CRACD: variants seen among roughly 807,000 people sequenced by gnomAD.
CRACD encodes capping protein inhibiting regulator of actin dynamics.
CRACD carries 56 observed loss-of-function variants against 106.8 expected under a neutral mutation model. The ratio of observed to expected loss-of-function variants is 0.52; its 90% CI spans 0.42 to 0.66. CRACD has a LOEUF of 0.66. CRACD is among the 30% of genes least tolerant of loss of function. CRACD has a pLI of 0.00. For synonymous variants in CRACD, 754 were observed against 670.8 expected, an observed-to-expected ratio of 1.12 and a Z score of -1.92; for missense variants, 1,730 against 1,623.2, an observed-to-expected ratio of 1.07 and a Z score of -1.13.
chr4:56,315,465 CG>C lies in CRACD; in HGVS notation c.1964del (p.Arg655ProfsTer22). 1.9e-6 allele frequency: 3 copies of C among 1,612,878 alleles called. No individual in the cohort carries two copies. The highest frequency in any genetic ancestry group is 2.5e-6 in the Non-Finnish European group (3 of 1,179,696). ...ARAGSGKAKP[R>X]QESPSSASAL... Reference sequence around the variant, plus strand: ...GGCGGGCAGCGGGAAGGCTAAGCCCCGCCAGGAGTCTCCCAGCAGCGCGTCC... The same window carrying C: ...GGCGGGCAGCGGGAAGGCTAAGCCCCCCAGGAGTCTCCCAGCAGCGCGTCC... On this transcript the variant is annotated frameshift_variant, in exon 8 of 11. Coordinates refer to ENST00000682029, the MANE Select transcript of CRACD (RefSeq NM_001393381.1). LOFTEE classifies it high-confidence loss of function. This position sits in a 1 kb window ranked among gnomAD's most constrained non-coding sequence, Gnocchi z 4.1.
chr4:56,247,515 T>C (rs1740750876), intron 2 of CRACD, among the ~76,000 whole-genome samples: 1 of 152,152 alleles, frequency 6.6e-6, no homozygotes, highest in Non-Finnish European at 1.5e-5. Context: ...GTTGGCAGCC[T>C]TCCAATTAAT....
intron 1 of CRACD, among the ~76,000 whole-genome samples, chr4:56,050,968 G>C (rs79215060): frequency 0.023 from 3,571 of 152,204 alleles, 62 homozygotes; most frequent in Admixed American, 0.058. Flanking sequence ...GCTAGCTCTT[G>C]GTAATAGTTC....
At chr4:56,086,837 A>G (rs1733237370) in intron 1 of CRACD, among the ~76,000 whole-genome samples, 1 of 152,084 alleles carries the variant, frequency 6.6e-6, no homozygotes, top group African/African-American at 2.4e-5. Context: ...TCCTAGAACC[A>G]CTTTGAACAC....
intron 1 of CRACD, among the ~76,000 whole-genome samples, chr4:56,049,683 C>A (rs1429639909): frequency 6.6e-6 from 1 of 152,164 alleles, no homozygotes; most frequent in Non-Finnish European, 1.5e-5. Context: ...CCAGACCTCA[C>A]CGTCCGGGAT....
chr4:56,055,666 C>G (rs1197851864), intron 1 of CRACD, among the ~76,000 whole-genome samples: 2 of 152,222 alleles, frequency 1.3e-5, no homozygotes, highest in Non-Finnish European at 2.9e-5. Flanking sequence ...GTCACTGTGA[C>G]AGAGGCAGTG....
intron 2 of CRACD, among the ~76,000 whole-genome samples, chr4:56,254,071 A>G (rs1319606152): frequency 6.6e-6 from 1 of 151,770 alleles, no homozygotes; most frequent in Non-Finnish European, 1.5e-5. Context: ...TCTGCAGAAC[A>G]TGTAGCAATT....
chr4:56,209,757 A>G (rs1228169857), intron 2 of CRACD, among the ~76,000 whole-genome samples: 2 of 152,174 alleles, frequency 1.3e-5, no homozygotes, highest in Non-Finnish European at 2.9e-5. Context: ...TTTTATGATT[A>G]TGCTTTAACA....
At chr4:56,081,245 A>G (rs539162737) in intron 1 of CRACD, among the ~76,000 whole-genome samples, 5 of 152,336 alleles carry the variant, frequency 3.3e-5, no homozygotes, top group African/African-American at 1.2e-4. Context: ...TCTGTGGAGA[A>G]TGTATCATGA....
intron 1 of CRACD, among the ~76,000 whole-genome samples, chr4:56,125,709 G>A (rs1038791334): frequency 6.6e-6 from 1 of 151,090 alleles, no homozygotes; most frequent in Non-Finnish European, 1.5e-5. Context: ...GAGCCACTGC[G>A]CCTGACTGGA....
intron 1 of CRACD, among the ~76,000 whole-genome samples, chr4:56,151,942 G>A (rs1248141385): frequency 3.3e-5 from 5 of 151,896 alleles, no homozygotes; most frequent in Non-Finnish European, 7.4e-5. Flanking sequence ...TCCCGTCACT[G>A]ATGATGTTAA....
At chr4:56,282,533 G>A (rs899858817) in intron 3 of CRACD, among the ~76,000 whole-genome samples, 19 of 152,162 alleles carry the variant, frequency 1.2e-4, no homozygotes, top group Admixed American at 6.5e-4. Flanking sequence ...ATCTTCAACA[G>A]GAATGAAGTA....
intron 3 of CRACD, among the ~76,000 whole-genome samples, chr4:56,281,572 T>C (rs914919681): frequency 1.3e-5 from 2 of 152,026 alleles, no homozygotes; most frequent in Non-Finnish European, 1.5e-5. Context: ...CAAAAATGCA[T>C]ATGACATTGC....
chr4:56,306,336 A>G (rs546877419), intron 4 of CRACD, among the ~76,000 whole-genome samples: 1 of 152,106 alleles, frequency 6.6e-6, no homozygotes, highest in African/African-American at 2.4e-5. Flanking sequence ...TCTACAAAAA[A>G]TACAAAAGTT....
chr4:56,311,914 G>A (rs1745182718), intron 6 of CRACD, among the ~76,000 whole-genome samples: 1 of 152,238 alleles, frequency 6.6e-6, no homozygotes, highest in African/African-American at 2.4e-5. Flanking sequence ...ATTCAGTGTG[G>A]CCTGTGGGTT....
intron 2 of CRACD, among the ~76,000 whole-genome samples, chr4:56,233,146 G>A (rs1246960291): frequency 6.6e-6 from 1 of 151,930 alleles, no homozygotes; most frequent in Non-Finnish European, 1.5e-5. Flanking sequence ...ATATTAAGTT[G>A]CGTTAGTTTT....
At chr4:56,203,583 T>G (rs558633705) in intron 2 of CRACD, among the ~76,000 whole-genome samples, 2 of 152,324 alleles carry the variant, frequency 1.3e-5, no homozygotes, top group Non-Finnish European at 2.9e-5. Context: ...TTCCAGAGGT[T>G]ACAGCATTGA....
intron 1 of CRACD, among the ~76,000 whole-genome samples, chr4:56,159,930 C>G (rs972168314): frequency 6.8e-6 from 1 of 147,674 alleles, no homozygotes; most frequent in Non-Finnish European, 1.5e-5. Context: ...TACAGGCATG[C>G]GCCACCACGC....
chr4:56,315,999 C>A lies in CRACD; in HGVS notation c.2497C>A (p.Pro833Thr). The change falls in exon 8 of 11, where the codon CCT becomes ACT. Residue 833 changes from proline to threonine, a missense_variant. Coordinates refer to ENST00000682029, the MANE Select transcript of CRACD (RefSeq NM_001393381.1). The surrounding 1 kb of genome is among the most constrained non-coding windows in gnomAD (Gnocchi z 4.1). ...ETANGIAKPD[P>T]VMPGGEEKAS... ...TGCAAACGGGATAGCAAAGCCAGACCCTGTGATGCCAGGTGGAGAGGAAAA... is the reference window on the plus strand; with the variant it reads ...TGCAAACGGGATAGCAAAGCCAGACACTGTGATGCCAGGTGGAGAGGAAAA... The A allele has an allele frequency of 6.2e-7, 1 of 1,614,210 alleles. No homozygotes were observed. Among genetic ancestry groups the A allele is most frequent in the African/African-American group, 1.3e-5 (1 of 75,046 alleles).
chr4:56,247,359 G>A (rs7686913), intron 2 of CRACD, among the ~76,000 whole-genome samples: 12,875 of 152,208 alleles, frequency 0.085, 1,556 homozygotes, highest in East Asian at 0.55. Context: ...TCTGTTAGGA[G>A]TAATTGATGA....
Sources: gnomAD v4.1 joint callset for allele counts (sites outside exome capture counted in the v4.1 genomes callset) on GRCh38, gnomAD v4.1.1 for gene constraint, Gnocchi (gnomAD v3.1) non-coding constraint, MANE v1.5 for transcripts, NCBI Gene and HGNC (gene_info 2026-07-23, HGNC 2026-07-21) for gene names.